The following SFI1 variants were observed in gnomAD, a reference collection of about 807,000 sequenced individuals.
SFI1 encodes the protein SFI1 centrin binding protein, also known as protein SFI1 homolog.
SFI1 carries 195 observed loss-of-function variants against 207.5 expected under a neutral mutation model. The observed-to-expected ratio is 0.94, with a 90% CI of 0.84 to 1.06. The LOEUF (loss-of-function observed/expected upper bound fraction) is 1.06. SFI1 is among the 50% of genes least tolerant of loss of function. The probability of loss-of-function intolerance (pLI) is 0.00; values close to 1 mark genes in which losing one functional copy is unlikely to be tolerated. For synonymous variants in SFI1, 630 were observed against 598.9 expected (o/e 1.05, Z -0.76); for missense variants, 1,634 against 1,588.0 (o/e 1.03, Z -0.49).
chr22:31,566,930 A>AGGG (rs2062371994), intron 8 of SFI1, among the ~76,000 whole-genome samples: 2 of 151,702 alleles, frequency 1.3e-5, no homozygotes, highest in African/African-American at 4.8e-5. Flanking sequence ...CTTTTGAGAC[A>AGGG]TGTCTCACTC....
chr22:31,527,878 C>A (rs2058084619), intron 2 of SFI1, among the ~76,000 whole-genome samples: 2 of 152,112 alleles, frequency 1.3e-5, no homozygotes, highest in Admixed American at 1.3e-4. Context: ...CTTTGGGAGG[C>A]CGAGGTGGGT....
intron 4 of SFI1, among the ~76,000 whole-genome samples, chr22:31,536,216 T>C (rs1404415159): frequency 6.6e-6 from 1 of 152,082 alleles, no homozygotes; most frequent in Admixed American, 6.6e-5. Flanking sequence ...TCAGTTCTTA[T>C]GTGAGCCCTC....
intron 4 of SFI1, among the ~76,000 whole-genome samples, chr22:31,545,571 TTTAATTTAATTTA>T (rs2059993700): frequency 6.8e-6 from 1 of 147,764 alleles, no homozygotes. Flanking sequence ...TTTAATTTAA[TTTAATTTAATTTA>T]ATTTTATTTT....
chr22:31,583,772 AG>A, intron 12 of SFI1, 102 bp from the exon 13 acceptor site: 1 of 952,282 alleles, frequency 1.1e-6, no homozygotes, highest in Non-Finnish European at 1.7e-6. Flanking sequence ...CTCCTAACTG[AG>A]GTCATTTCTG....
At chr22:31,528,528 C>A (rs1037309001) in intron 2 of SFI1, among the ~76,000 whole-genome samples, 162 bp from the exon 3 acceptor site, 12 of 152,198 alleles carry the variant, frequency 7.9e-5, no homozygotes, top group African/African-American at 2.9e-4. Context: ...TAGTGGTTGG[C>A]CAATATTTCT....
rs746538546 is a variant in SFI1 at position 31,575,231 on chromosome 22, A to G, written c.923A>G (p.Glu308Gly). ...CACTTAAGTTATTTCTCTGTTGCAG[A>G]GATGGCTGAGCGATTCCATCATGTC... ...QVRRVKRQQN[E>G]MAERFHHVTV... Residue 308 changes from glutamate to glycine, a missense_variant and splice_region_variant, in exon 10 of 33, where the codon GAG becomes GGG. By Grantham distance (98) the Glu-to-Gly change is moderately conservative. Coordinates refer to ENST00000400288, the MANE Select transcript of SFI1 (RefSeq NM_001007467.3). 3.1e-6 allele frequency: 5 copies of G among 1,607,264 alleles called. No homozygotes were observed. The highest frequency in any genetic ancestry group is 4.2e-6 in the Non-Finnish European group (5 of 1,176,708).
chr22:31,591,531 C>A (rs1377402161), intron 15 of SFI1, among the ~76,000 whole-genome samples: 4 of 147,528 alleles, frequency 2.7e-5, no homozygotes, highest in South Asian at 2.2e-4. Context: ...TCCTCACTTC[C>A]CAGTAGGGGT....
chr22:31,526,709 C>T (rs1353663918), intron 2 of SFI1, among the ~76,000 whole-genome samples: 1 of 152,096 alleles, frequency 6.6e-6, no homozygotes, highest in East Asian at 1.9e-4. Flanking sequence ...GCGTGTGCCA[C>T]CACACCCGGC....
rs1046235469 is a variant in SFI1 at position 31,613,949 on chromosome 22, C to T, written c.2996+94C>T. On this transcript the variant is annotated intron_variant, in intron 27 of 32. Transcript: ENST00000400288. ...GGAAAACAGCCCTGACGGGATGGGACGGGCTGGTCACGGCCTTGTCACAGC... is the reference window on the plus strand; with the variant it reads ...GGAAAACAGCCCTGACGGGATGGGATGGGCTGGTCACGGCCTTGTCACAGC... 118 of 1,428,228 alleles carry T rather than the reference C, an allele frequency of 8.3e-5. No individual in the cohort carries two copies. In the East Asian group the frequency reaches 1.0e-3, roughly 13 times the overall value. 88.5% of individuals were successfully genotyped at this position (1,428,228 alleles called of 1,614,324 possible).
At chr22:31,589,105 A>G (rs1347613817) in intron 14 of SFI1, among the ~76,000 whole-genome samples, 1 of 152,196 alleles carries the variant, frequency 6.6e-6, no homozygotes, top group Non-Finnish European at 1.5e-5. Flanking sequence ...CAAAAACCCC[A>G]TACATATCAC....
rs969959735 is a variant in SFI1, at chr22:31,583,882, A to G, written c.1256A>G (p.His419Arg). The G allele has an allele frequency of 1.2e-6, 2 of 1,614,052 alleles. No homozygotes were observed. The highest frequency in any genetic ancestry group is 1.7e-5 in the Admixed American group (1 of 60,018). ...CTTCCTCCCTTGCTTTAGCTGCTGCACAGGTTCTGGAACCTCTGGCGGTCT... is the reference window on the plus strand; with the variant it reads ...CTTCCTCCCTTGCTTTAGCTGCTGCGCAGGTTCTGGAACCTCTGGCGGTCT... ...AHQQHGVTLL[H>R]RFWNLWRSQI... The change falls in exon 13 of 33, where the codon CAC becomes CGC. Residue 419 changes from histidine to arginine, a missense_variant. Physicochemically the swap from His to Arg is conservative, Grantham distance 29 (BLOSUM62 0). Transcript: ENST00000400288.
chr22:31,606,494 G>A, intron 21 of SFI1, 64 bp downstream of exon 21: 1 of 1,318,980 alleles, frequency 7.6e-7, no homozygotes, highest in Admixed American at 1.8e-5. Context: ...GTGAGGGCGT[G>A]GGATGTAGGG....
In SFI1 at chr22:31,528,735, A is replaced by G; in HGVS notation, c.138A>G (p.Thr46=). ...TTAAGAAACCTTATTCTGCAAAGAC[A>G]CTGTCCAACAAGAAGTCTTCTGCAT... ...GAVKKPYSAK[T]LSNKKSSASF... The change falls in exon 3 of 33, where the codon ACA becomes ACG. Residue 46 remains threonine, a synonymous_variant. Transcript: ENST00000400288. 6.2e-7 allele frequency: 1 copy of G among 1,614,236 alleles called. No individual in the cohort carries two copies. Among genetic ancestry groups the G allele is most frequent in the South Asian group, 1.1e-5 (1 of 91,084 alleles).
At chr22:31,591,397 C>G (rs2065885294) in intron 15 of SFI1, among the ~76,000 whole-genome samples, 1 of 152,244 alleles carries the variant, frequency 6.6e-6, no homozygotes, top group African/African-American at 2.4e-5. Flanking sequence ...ACCATCCGAC[C>G]TCTCAATCTT....
chr22:31,573,842 T>C (rs2063204925), intron 9 of SFI1, among the ~76,000 whole-genome samples: 1 of 152,196 alleles, frequency 6.6e-6, no homozygotes, highest in South Asian at 2.1e-4. Flanking sequence ...CTTCCTTTTT[T>C]CCACACAGTT....
At chr22:31,501,431 A>C (rs1453048160) in intron 1 of SFI1, among the ~76,000 whole-genome samples, 1 of 152,098 alleles carries the variant, frequency 6.6e-6, no homozygotes, top group African/African-American at 2.4e-5. Flanking sequence ...CGGCCTCCCA[A>C]AGTGCTGGGA....
In SFI1 at chr22:31,546,942, A is replaced by G. The variant is rs749454764; in HGVS notation, c.420A>G (p.Lys140=). The G allele has an allele frequency of 1.9e-5, 31 of 1,611,206 alleles. No homozygotes were observed. Among genetic ancestry groups the G allele is most frequent in the Non-Finnish European group, 2.5e-5 (29 of 1,178,888 alleles). ...EEWWVFQHEW[K]LCVRADCHYR... The stretch of plus-strand genomic sequence containing the variant: ...GGTGGGTTTTCCAGCACGAGTGGAA[A>G]CTCTGTGTTCGAGCTGACTGTCACT... Residue 140 remains lysine, a synonymous_variant, in exon 5 of 33, where the codon AAA becomes AAG. Coordinates refer to ENST00000400288, the MANE Select transcript of SFI1 (RefSeq NM_001007467.3).
chr22:31,519,640 G>A (rs559314867), intron 2 of SFI1, among the ~76,000 whole-genome samples: 2 of 152,070 alleles, frequency 1.3e-5, no homozygotes, highest in African/African-American at 4.8e-5. Context: ...GTTTCACCAT[G>A]TTGGCCAGGC....
chr22:31,516,139 G>A (rs1390653966), intron 2 of SFI1, among the ~76,000 whole-genome samples: 1 of 151,994 alleles, frequency 6.6e-6, no homozygotes. Flanking sequence ...TTCTGTTTTT[G>A]AATATGAATC....
Sources: gnomAD v4.1 joint callset for allele counts (sites outside exome capture counted in the v4.1 genomes callset) on GRCh38, gnomAD v4.1.1 for gene constraint, MANE v1.5 for transcripts, NCBI Gene and HGNC (gene_info 2026-07-23, HGNC 2026-07-21) for gene names.